The following SEMA5A variants were observed in gnomAD, a reference collection of about 807,000 sequenced individuals.
SEMA5A encodes semaphorin-5A.
A neutral mutation model predicts 135.5 loss-of-function variants in SEMA5A; 55 were observed. The observed-to-expected ratio is 0.41, with a 90% confidence interval of 0.33 to 0.51. The LOEUF (loss-of-function observed/expected upper bound fraction) is 0.51. Among genes scored for constraint, SEMA5A ranks in the 20% least tolerant of loss-of-function variants. SEMA5A has a pLI of 0.37. For missense variants in SEMA5A, 1,290 were observed against 1,419.9 expected (o/e 0.91, Z 1.47); for synonymous variants, 580 against 546.5 (o/e 1.06, Z -0.85).
In SEMA5A at chr5:9,083,134, G is replaced by A. The variant is rs372261519; in HGVS notation, c.2074-16488C>T. Among the ~76,000 whole-genome samples, 122 of 152,274 alleles carry A rather than the reference G, an allele frequency of 8.0e-4. No homozygotes were observed. The South Asian group carries it at 0.019, about 24-fold the overall frequency. On this transcript the variant is annotated intron_variant, in intron 16 of 22. Coordinates refer to ENST00000382496, the MANE Select transcript of SEMA5A (RefSeq NM_003966.3). Reference sequence around the variant, plus strand: ...ATGTATTTGGAACATGCACAGCTATGGTCAACGTCCCTGTGACATTTCATT... The same window carrying A: ...ATGTATTTGGAACATGCACAGCTATAGTCAACGTCCCTGTGACATTTCATT...
intron 2 of SEMA5A, among the ~76,000 whole-genome samples, chr5:9,435,371 G>T (rs1757992725): frequency 6.6e-6 from 1 of 151,970 alleles, no homozygotes; most frequent in South Asian, 2.1e-4. Flanking sequence ...AAAATGTCAA[G>T]AAAATAATAT....
intron 13 of SEMA5A, among the ~76,000 whole-genome samples, chr5:9,127,981 G>A (rs1183747441): frequency 6.6e-6 from 1 of 152,146 alleles, no homozygotes; most frequent in Non-Finnish European, 1.5e-5. Flanking sequence ...TCCAGTCCAC[G>A]TGATTCCTTA....
chr5:9,472,333 C>T (rs938761237), intron 1 of SEMA5A, among the ~76,000 whole-genome samples: 2 of 152,106 alleles, frequency 1.3e-5, no homozygotes, highest in Non-Finnish European at 2.9e-5. Context: ...CTGGAAGATG[C>T]TTTGTTTTGA....
chr5:9,399,700 C>A (rs1648418302), intron 2 of SEMA5A, among the ~76,000 whole-genome samples: 1 of 152,076 alleles, frequency 6.6e-6, no homozygotes, highest in Admixed American at 6.5e-5. Flanking sequence ...ATGGTTCCAG[C>A]AGAAGCTGGT....
chr5:9,129,206 T>C (rs935481732), intron 13 of SEMA5A, among the ~76,000 whole-genome samples: 3 of 152,020 alleles, frequency 2.0e-5, no homozygotes, highest in African/African-American at 4.8e-5. Flanking sequence ...AAGAGGCAAA[T>C]AAAATAGTGC....
At chr5:9,429,579 C>T (rs1200042979) in intron 2 of SEMA5A, among the ~76,000 whole-genome samples, 1 of 152,194 alleles carries the variant, frequency 6.6e-6, no homozygotes, top group African/African-American at 2.4e-5. Context: ...TAGAGAATAG[C>T]AGGGAGACTT....
At chr5:9,197,402 A>C in intron 9 of SEMA5A, 99 bp from the exon 10 acceptor site, 1 of 1,380,632 alleles carries the variant, frequency 7.2e-7, no homozygotes, top group South Asian at 1.3e-5. Context: ...TACAGCTTCC[A>C]GAGGTCTCAA....
chr5:9,312,866 C>T (rs1483938363), intron 5 of SEMA5A, among the ~76,000 whole-genome samples: 1 of 152,164 alleles, frequency 6.6e-6, no homozygotes, highest in Non-Finnish European at 1.5e-5. Context: ...GGGAGCCACC[C>T]CACAAAAGCC....
At chr5:9,482,796 G>A (rs1415937307) in intron 1 of SEMA5A, among the ~76,000 whole-genome samples, 2 of 152,204 alleles carry the variant, frequency 1.3e-5, no homozygotes, top group African/African-American at 2.4e-5. Context: ...GCTGGGCAGG[G>A]GCCTGGTGCC....
intron 5 of SEMA5A, among the ~76,000 whole-genome samples, chr5:9,281,490 C>T (rs533212702): frequency 4.6e-5 from 7 of 152,270 alleles, no homozygotes; most frequent in African/African-American, 1.4e-4. Context: ...CCAGGGCAGC[C>T]TACACAACAG....
chr5:9,409,242 C>T (rs751058348), intron 2 of SEMA5A, among the ~76,000 whole-genome samples: 2 of 152,164 alleles, frequency 1.3e-5, no homozygotes, highest in Non-Finnish European at 1.5e-5. Flanking sequence ...AAATGATTCA[C>T]TAGAAAAGAC....
At chr5:9,277,395 A>C (rs941833165) in intron 5 of SEMA5A, among the ~76,000 whole-genome samples, 10 of 152,228 alleles carry the variant, frequency 6.6e-5, no homozygotes, top group African/African-American at 2.4e-4. Flanking sequence ...ACAATGGTGG[A>C]GGACAGTGTG....
chr5:9,101,671 A>T (rs1739639387), intron 16 of SEMA5A, among the ~76,000 whole-genome samples: 1 of 152,212 alleles, frequency 6.6e-6, no homozygotes. Context: ...TATCTAATCC[A>T]GGTCCACCGG....
At chr5:9,330,372 A>T (rs1382585010) in intron 4 of SEMA5A, among the ~76,000 whole-genome samples, 1 of 149,572 alleles carries the variant, frequency 6.7e-6, no homozygotes, top group African/African-American at 2.5e-5. Flanking sequence ...CCTGGGCGAC[A>T]GAGCGAGACT....
intron 11 of SEMA5A, among the ~76,000 whole-genome samples, chr5:9,170,771 G>T (rs1743875819): frequency 6.6e-6 from 1 of 152,168 alleles, no homozygotes; most frequent in African/African-American, 2.4e-5. Flanking sequence ...CATTTCTGTT[G>T]TTTCTAAATC....
intron 1 of SEMA5A, among the ~76,000 whole-genome samples, chr5:9,486,410 C>A (rs973164537): frequency 8.5e-5 from 13 of 152,256 alleles, no homozygotes; most frequent in African/African-American, 3.1e-4. Flanking sequence ...CCTGCACGTT[C>A]TGCACATGCA....
chr5:9,180,040 C>A (rs2150324349), intron 11 of SEMA5A, among the ~76,000 whole-genome samples: 1 of 152,266 alleles, frequency 6.6e-6, no homozygotes, highest in South Asian at 2.1e-4. Flanking sequence ...CCAGGTGTTC[C>A]TGGGCTTGCA....
intron 17 of SEMA5A, among the ~76,000 whole-genome samples, chr5:9,065,727 A>C (rs1179401149): frequency 6.6e-6 from 1 of 152,196 alleles, no homozygotes; most frequent in Non-Finnish European, 1.5e-5. Flanking sequence ...GAACAAAGCA[A>C]AGCATCAAGC....
chr5:9,080,110 C>T (rs780218066), intron 16 of SEMA5A, among the ~76,000 whole-genome samples: 1 of 152,118 alleles, frequency 6.6e-6, no homozygotes, highest in African/African-American at 2.4e-5. Flanking sequence ...ATGTTTATTG[C>T]AGCACTGTTC....
Sources: allele counts gnomAD v4.1 joint callset (sites outside exome capture counted in the v4.1 genomes callset), GRCh38; gene constraint gnomAD v4.1.1; transcripts MANE v1.5; gene names NCBI Gene and HGNC (gene_info 2026-07-23, HGNC 2026-07-21).